Variants in PDK2 observed in about 807,000 individuals in gnomAD.
PDK2 encodes pyruvate dehydrogenase kinase 2, also known as pyruvate dehydrogenase kinase, isozyme 2.
Under a neutral mutation model 50.4 loss-of-function variants are expected in PDK2, and 34 were observed. The observed-to-expected ratio is 0.68, with a 90% CI of 0.51 to 0.90. The LOEUF (loss-of-function observed/expected upper bound fraction) is 0.90. Ranked by LOEUF, PDK2 falls within the 40% of genes least tolerant of loss-of-function variation. PDK2 has a pLI of 0.00. For synonymous variants in PDK2, 232 were observed against 216.0 expected (o/e 1.07, Z -0.65); for missense variants, 377 against 544.5 (o/e 0.69, Z 3.06).
Position 50,111,728 on chromosome 17 carries a change from CCA to C in PDK2, c.*1636_*1637del, listed in dbSNP as rs1490451232. The C allele has an allele frequency of 6.6e-6, 1 of 152,290 alleles. No homozygotes were observed. Among genetic ancestry groups the C allele is most frequent in the Non-Finnish European group, 1.5e-5 (1 of 68,100 alleles). The allele number at this position is 152,290 out of a possible 1,614,324, so 9.4% of individuals were successfully genotyped here. On this transcript the variant is annotated 3_prime_UTR_variant, in exon 11 of 11. Coordinates refer to ENST00000503176, the MANE Select transcript of PDK2 (RefSeq NM_002611.5). ...AAGCGGGACTAGCTGCTGACCAGCGCCACACATGAACACTTCCTCCAAGGACA... is the reference window on the plus strand; with the variant it reads ...AAGCGGGACTAGCTGCTGACCAGCGCCACATGAACACTTCCTCCAAGGACA...
At chr17:50,096,616 C>T (rs1302854637) in intron 1 of PDK2, among the ~76,000 whole-genome samples, 3 of 152,166 alleles carry the variant, frequency 2.0e-5, no homozygotes. Context: ...CCTGGGCCCA[C>T]CCCTAGCCCC....
chr17:50,109,500 C>A lies in PDK2; in HGVS notation c.1083+100C>A, dbSNP rs1252360450. 7 of 642,730 alleles carry A rather than the reference C, an allele frequency of 1.1e-5. No individual in the cohort carries two copies. The highest frequency in any genetic ancestry group is 3.1e-5 in the Admixed American group (1 of 32,592). The allele number at this position is 642,730 out of a possible 1,614,324, so 39.8% of individuals were successfully genotyped here. On this transcript the variant is annotated intron_variant, in intron 10 of 10. Transcript: ENST00000503176. The surrounding 1 kb of genome is among the most constrained non-coding windows in gnomAD (Gnocchi z 5.0). ...GAGCTTTCCTTTCCATCCCCCCAGT[C>A]CTTCCCTGGCCCCAGACTCTGAGAA...
At chr17:50,096,313 TGG>T (rs1567710511) in intron 1 of PDK2, 1 of 985,102 alleles carries the variant, frequency 1.0e-6, no homozygotes, top group Admixed American at 6.1e-5. Flanking sequence ...ACCAGCAACC[TGG>T]GGGTGGCCCT....
rs756561381 is a variant in PDK2, at chr17:50,106,928, AC to A, written c.607+49del. On this transcript the variant is annotated intron_variant, in intron 5 of 10. Coordinates refer to ENST00000503176, the MANE Select transcript of PDK2 (RefSeq NM_002611.5). ...CCTGGCCCGCAGAGAAGCCCCGGGG[AC>A]CCCTCCAAGCTTACCTGGCCAGAGG... is the stretch of plus-strand genomic sequence containing the variant. 6 of 1,561,210 alleles carry A rather than the reference AC, an allele frequency of 3.8e-6. No individual in the cohort carries two copies. In the South Asian group the frequency reaches 6.7e-5, roughly 17 times the overall value.
In PDK2 at chr17:50,110,685, C is replaced by CT. The variant is rs112010659; in HGVS notation, c.*589dup. 1.1e-4 allele frequency: 16 copies of CT among 152,354 alleles called. 1 individual carries two copies. Among genetic ancestry groups the CT allele is most frequent in the African/African-American group, 3.4e-4 (14 of 41,568 alleles). 9.4% of individuals were successfully genotyped at this position (152,354 alleles called of 1,614,324 possible). ...GGGGTGGCTCTCACAGGGCCCAACTCTAAAGTGGAAGAACCTTGTTAGACC... is the reference window on the plus strand; with the variant it reads ...GGGGTGGCTCTCACAGGGCCCAACTCTTAAAGTGGAAGAACCTTGTTAGACC... On this transcript the variant is annotated 3_prime_UTR_variant, in exon 11 of 11. Transcript: ENST00000503176.
rs1346911853 is a variant in PDK2, at chr17:50,111,558, C to G, written c.*1461C>G. 1 of 152,248 alleles carries G rather than the reference C, an allele frequency of 6.6e-6. No individual in the cohort carries two copies. Among genetic ancestry groups the G allele is most frequent in the Non-Finnish European group, 1.5e-5 (1 of 68,114 alleles). 9.4% of individuals were successfully genotyped at this position (152,248 alleles called of 1,614,324 possible). On this transcript the variant is annotated 3_prime_UTR_variant, in exon 11 of 11. Transcript: ENST00000503176. ...TGAGTCCCAGGTACAGGGTGCTGGC[C>G]GTAAGCCACAGCCCCTGGGCAGGAA...
intron 2 of PDK2, 68 bp downstream of exon 2, chr17:50,097,632 A>G: frequency 6.4e-7 from 1 of 1,574,604 alleles, no homozygotes; most frequent in Non-Finnish European, 8.7e-7. Flanking sequence ...CAGGGATGGC[A>G]TCTCCAAGCT....
At chr17:50,102,304 T>C (rs1291159240) in intron 2 of PDK2, among the ~76,000 whole-genome samples, 2 of 152,218 alleles carry the variant, frequency 1.3e-5, no homozygotes, top group Non-Finnish European at 2.9e-5. Context: ...TGTCACTCCA[T>C]GCCGGTGCCC....
chr17:50,102,097 T>C (rs939377161), intron 2 of PDK2, among the ~76,000 whole-genome samples: 1 of 152,128 alleles, frequency 6.6e-6, no homozygotes, highest in African/African-American at 2.4e-5. Context: ...GCGCCACTCG[T>C]CCCCAATCTC....
rs778277622 is a variant in PDK2 at position 50,105,834 on chromosome 17, G to T, written c.333-51G>T. 78 of 1,586,218 alleles carry T rather than the reference G, an allele frequency of 4.9e-5. 1 individual carries two copies. In the Admixed American group the frequency reaches 1.3e-3, roughly 27 times the overall value. On this transcript the variant is annotated intron_variant, in intron 3 of 10. Transcript: ENST00000503176. ...GACACCGTGGAGAGGGGAGTCAGAA[G>T]CGGAGAAGAGTCTGGGGGTGTCCCA...
Position 50,111,038 on chromosome 17 carries a change from G to C in PDK2, c.*941G>C, listed in dbSNP as rs1202483675. The C allele has an allele frequency of 6.6e-6, 1 of 152,402 alleles. No individual in the cohort carries two copies. The highest frequency in any genetic ancestry group is 1.9e-4 in the East Asian group (1 of 5,200). The allele number at this position is 152,402 out of a possible 1,614,324, so 9.4% of individuals were successfully genotyped here. The stretch of plus-strand genomic sequence containing the variant: ...AGTGACAGTGACACCCACACCCACA[G>C]TAAAGAGGAGACTGAATGAGACTGG... On this transcript the variant is annotated 3_prime_UTR_variant, in exon 11 of 11. Transcript: ENST00000503176.
intron 3 of PDK2, 41 bp from the exon 4 acceptor site, chr17:50,105,844 G>C: frequency 1.9e-6 from 3 of 1,601,310 alleles, no homozygotes; most frequent in Non-Finnish European, 2.6e-6. Context: ...GCGGAGAAGA[G>C]TCTGGGGGTG....
chr17:50,107,649 G>C (rs960338594), intron 6 of PDK2, among the ~76,000 whole-genome samples: 1 of 152,174 alleles, frequency 6.6e-6, no homozygotes, highest in Non-Finnish European at 1.5e-5. Context: ...CCCCATTCTC[G>C]TGGACCTTAC....
chr17:50,105,317 A>G, intron 2 of PDK2, 54 bp from the exon 3 acceptor site: 1 of 1,370,876 alleles, frequency 7.3e-7, no homozygotes, highest in South Asian at 1.3e-5. Context: ...GAAGTGGGTG[A>G]GGAGGGGCTA....
chr17:50,110,068 A>G lies in PDK2; in HGVS notation c.1195A>G (p.Lys399Glu). The G allele has an allele frequency of 6.2e-7, 1 of 1,611,150 alleles. No homozygotes were observed. The highest frequency in any genetic ancestry group is 8.5e-7 in the Non-Finnish European group (1 of 1,178,694). The change falls in exon 11 of 11, where the codon AAG becomes GAG. Residue 399 changes from lysine to glutamate, a missense_variant. Coordinates refer to ENST00000503176, the MANE Select transcript of PDK2 (RefSeq NM_002611.5). ...CTGGTGTGTGCCCAGCACGGAGCCCAAGAACACGTCCACGTACCGCGTCAG... is the reference window on the plus strand; with the variant it reads ...CTGGTGTGTGCCCAGCACGGAGCCCGAGAACACGTCCACGTACCGCGTCAG... The part of the protein sequence containing the change: ...GDWCVPSTEP[K>E]NTSTYRVS
chr17:50,110,146 C>G lies in PDK2; in HGVS notation c.*49C>G. 6 of 1,523,256 alleles carry G rather than the reference C, an allele frequency of 3.9e-6. No homozygotes were observed. In the African/African-American group the frequency reaches 6.8e-5, roughly 17 times the overall value. 94.4% of individuals were successfully genotyped at this position (1,523,256 alleles called of 1,614,324 possible). A position where few individuals can be genotyped will look rare whatever the true frequency, so the allele number is the denominator to read the frequency against. On this transcript the variant is annotated 3_prime_UTR_variant, in exon 11 of 11. Transcript: ENST00000503176. ...AGAGGACGGACTGCCGCCTCTGGGTCCCCCCACCGTGGTGCCCCTCACCAT... is the reference window on the plus strand; with the variant it reads ...AGAGGACGGACTGCCGCCTCTGGGTGCCCCCACCGTGGTGCCCCTCACCAT...
Position 50,105,950 on chromosome 17 carries a change from G to T in PDK2, c.398G>T (p.Gly133Val), listed in dbSNP as rs1910486443. 1 of 1,613,216 alleles carries T rather than the reference G, an allele frequency of 6.2e-7. No individual in the cohort carries two copies. The highest frequency in any genetic ancestry group is 1.3e-5 in the African/African-American group (1 of 74,908). The stretch of plus-strand genomic sequence containing the variant: ...GACGTGGTGCCCACCATGGCACAAG[G>T]CGTGCTTGAGTACAAGGACACCTAC... ...HNDVVPTMAQ[G>V]VLEYKDTYGD... Residue 133 changes from glycine (G) to valine (V), a missense_variant, in exon 4 of 11, where the codon GGC (glycine) becomes GTC (valine). Coordinates refer to ENST00000503176, the MANE Select transcript of PDK2 (RefSeq NM_002611.5).
rs1430793847 is a variant in PDK2, at chr17:50,105,865, A to G, written c.333-20A>G. The stretch of plus-strand genomic sequence containing the variant: ...AAGAGTCTGGGGGTGTCCCATGTGA[A>G]CATCTGCCCTGCCCCACAGGTTCAC... On this transcript the variant is annotated intron_variant, in intron 3 of 10. Transcript: ENST00000503176. The G allele has an allele frequency of 5.6e-6, 9 of 1,610,470 alleles. No individual in the cohort carries two copies. The highest frequency in any genetic ancestry group is 3.3e-5 in the Admixed American group (2 of 59,784).
chr17:50,095,222 C>T (rs941864964), upstream of PDK2: 1 of 507,404 alleles, frequency 2.0e-6, no homozygotes, highest in Non-Finnish European at 3.5e-6. Context: ...CGGGGGAAGC[C>T]ACGTGCCGGG....
Sources: gnomAD v4.1 joint callset for allele counts (sites outside exome capture counted in the v4.1 genomes callset) on GRCh38, gnomAD v4.1.1 for gene constraint, Gnocchi (gnomAD v3.1) non-coding constraint, MANE v1.5 for transcripts, NCBI Gene and HGNC (gene_info 2026-07-23, HGNC 2026-07-21) for gene names.